ITGA9: variants seen among roughly 807,000 people sequenced by gnomAD.
The protein encoded by ITGA9 is integrin subunit alpha 9.
A neutral mutation model predicts 127.8 loss-of-function variants in ITGA9; 56 were observed. The observed-to-expected ratio is 0.44, with a 90% CI of 0.35 to 0.55. ITGA9 has a LOEUF of 0.55. Ranked by LOEUF, ITGA9 falls within the 20% of genes least tolerant of loss-of-function variation. The pLI is 0.00. For synonymous variants in ITGA9, 508 were observed against 514.5 expected (o/e 0.99, Z 0.17); for missense variants, 1,196 against 1,347.1 (o/e 0.89, Z 1.76).
At chr3:37,627,919 A>G (rs1700191773) in intron 15 of ITGA9, among the ~76,000 whole-genome samples, 1 of 152,192 alleles carries the variant, frequency 6.6e-6, no homozygotes, top group Non-Finnish European at 1.5e-5. Context: ...AGTACCCCCA[A>G]ACTGGCAGGC....
intron 24 of ITGA9, among the ~76,000 whole-genome samples, chr3:37,779,619 A>AG (rs1559596471): frequency 1.3e-5 from 2 of 152,118 alleles, no homozygotes. Flanking sequence ...AAAAAAAAAA[A>AG]CAATTATTTC....
intron 17 of ITGA9, among the ~76,000 whole-genome samples, chr3:37,661,002 T>C (rs1463362016): frequency 6.6e-6 from 1 of 152,214 alleles, no homozygotes; most frequent in East Asian, 1.9e-4. Flanking sequence ...TCCTCCAGCC[T>C]TATTCTATTG....
At chr3:37,698,396 C>T (rs1700910633) in intron 18 of ITGA9, among the ~76,000 whole-genome samples, 1 of 152,188 alleles carries the variant, frequency 6.6e-6, no homozygotes, top group Non-Finnish European at 1.5e-5. Context: ...GTGTTTTAGA[C>T]ATGAAGTCCT....
At chr3:37,734,088 C>T (rs1375002627) in intron 19 of ITGA9, among the ~76,000 whole-genome samples, 1 of 152,178 alleles carries the variant, frequency 6.6e-6, no homozygotes, top group African/African-American at 2.4e-5. Context: ...TTGGCGAAAC[C>T]ACAGTGGCCA....
At chr3:37,556,661 C>T (rs567123559) in intron 15 of ITGA9, among the ~76,000 whole-genome samples, 66 of 152,320 alleles carry the variant, frequency 4.3e-4, no homozygotes, top group African/African-American at 1.4e-3. Context: ...TCCCTGGTGA[C>T]GCTGGTGCTG....
chr3:37,591,684 G>A (rs147573872), intron 15 of ITGA9, among the ~76,000 whole-genome samples: 165 of 152,332 alleles, frequency 1.1e-3, no homozygotes, highest in African/African-American at 3.6e-3. Context: ...TTAGCCAACA[G>A]CCTGAGCCTC....
rs1391480289 is a variant in ITGA9 at position 37,819,397 on chromosome 3, A to G, written c.*408A>G. On this transcript the variant is annotated 3_prime_UTR_variant, in exon 28 of 28. Transcript: ENST00000264741. Reference sequence around the variant, plus strand: ...AGTTATATAATTCACTCAAGCACTGATATCTGGCCTAAAATCTTGGAAGTA... The same window carrying G: ...AGTTATATAATTCACTCAAGCACTGGTATCTGGCCTAAAATCTTGGAAGTA... The G allele has an allele frequency of 1.2e-5, 2 of 165,520 alleles. No individual in the cohort carries two copies. The highest frequency in any genetic ancestry group is 5.9e-5 in the Admixed American group (1 of 16,940). The allele number at this position is 165,520 out of a possible 1,614,324, so 10.3% of individuals were successfully genotyped here.
At chr3:37,702,218 A>G (rs1467027831) in intron 18 of ITGA9, among the ~76,000 whole-genome samples, 1 of 152,196 alleles carries the variant, frequency 6.6e-6, no homozygotes, top group East Asian at 1.9e-4. Context: ...TATAAAAATG[A>G]GGAAACTGGG....
chr3:37,558,733 G>A (rs537328923), intron 15 of ITGA9, among the ~76,000 whole-genome samples: 130 of 152,254 alleles, frequency 8.5e-4, no homozygotes, highest in Middle Eastern at 3.4e-3. Flanking sequence ...TGGGGCATCC[G>A]TTCTGAATAC....
chr3:37,488,397 C>T (rs1229102218), intron 4 of ITGA9, among the ~76,000 whole-genome samples: 1 of 151,890 alleles, frequency 6.6e-6, no homozygotes, highest in African/African-American at 2.4e-5. Context: ...TTATTATGTG[C>T]CTGTATTATT....
At chr3:37,748,163 T>A in intron 22 of ITGA9, 1 of 466,420 alleles carries the variant, frequency 2.1e-6, no homozygotes, top group Non-Finnish European at 4.2e-6. Context: ...TTCTCTAGGC[T>A]TTTTAGAAAA....
chr3:37,563,118 T>C (rs1165309375), intron 15 of ITGA9, among the ~76,000 whole-genome samples: 2 of 152,146 alleles, frequency 1.3e-5, no homozygotes, highest in South Asian at 2.1e-4. Flanking sequence ...CTCAAGATAT[T>C]CTACTAGAAG....
At chr3:37,630,122 A>G (rs775699681) in intron 16 of ITGA9, among the ~76,000 whole-genome samples, 2 of 152,214 alleles carry the variant, frequency 1.3e-5, no homozygotes, top group Non-Finnish European at 2.9e-5. Context: ...ACCACCTTTC[A>G]CAGTGCTTCA....
At chr3:37,600,199 C>T (rs890738571) in intron 15 of ITGA9, among the ~76,000 whole-genome samples, 2 of 152,142 alleles carry the variant, frequency 1.3e-5, no homozygotes, top group Non-Finnish European at 2.9e-5. Context: ...AAAATAAGCA[C>T]TTATTGTATA....
chr3:37,499,125 T>C (rs907269501), intron 5 of ITGA9, among the ~76,000 whole-genome samples: 90 of 152,212 alleles, frequency 5.9e-4, no homozygotes, highest in African/African-American at 2.0e-3. Context: ...TAGCCTGACA[T>C]TGAGGATTAG....
chr3:37,605,258 AT>A (rs1257232995), intron 15 of ITGA9, among the ~76,000 whole-genome samples: 1 of 151,890 alleles, frequency 6.6e-6, no homozygotes, highest in Non-Finnish European at 1.5e-5. Flanking sequence ...GTGGGAGGAG[AT>A]AGTGGGAAAG....
At chr3:37,529,907 C>T (rs1699131238) in intron 13 of ITGA9, among the ~76,000 whole-genome samples, 2 of 151,588 alleles carry the variant, frequency 1.3e-5, no homozygotes, top group African/African-American at 4.9e-5. Flanking sequence ...GAGCAAGGTT[C>T]AGTTCCGGTA....
At chr3:37,564,037 AC>A (rs1699521529) in intron 15 of ITGA9, among the ~76,000 whole-genome samples, 1 of 152,274 alleles carries the variant, frequency 6.6e-6, no homozygotes, top group Admixed American at 6.5e-5. Flanking sequence ...TAATTTTGGA[AC>A]ATAATTGAAT....
chr3:37,614,701 C>T (rs934742815), intron 15 of ITGA9, among the ~76,000 whole-genome samples: 2 of 151,826 alleles, frequency 1.3e-5, no homozygotes, highest in African/African-American at 2.4e-5. Flanking sequence ...AGTTGGATTC[C>T]TAGGTATTTT....
Sources: gnomAD v4.1 joint callset for allele counts (sites outside exome capture counted in the v4.1 genomes callset) on GRCh38, gnomAD v4.1.1 for gene constraint, MANE v1.5 for transcripts, NCBI Gene and HGNC (gene_info 2026-07-23, HGNC 2026-07-21) for gene names.